PRRC2B: variants seen among roughly 807,000 people sequenced by gnomAD.
PRRC2B encodes protein PRRC2B.
Under a neutral mutation model 242.3 loss-of-function variants are expected in PRRC2B, and 68 were observed. The ratio of observed to expected loss-of-function variants is 0.28; its 90% CI spans 0.23 to 0.34. PRRC2B has a LOEUF of 0.34. Ranked by LOEUF, PRRC2B falls within the 10% of genes least tolerant of loss-of-function variation. PRRC2B has a pLI of 1.00. For synonymous variants in PRRC2B, 1,228 were observed against 1,173.6 expected (o/e 1.05, Z -0.95); for missense variants, 2,835 against 2,954.8 (o/e 0.96, Z 0.94).
upstream of PRRC2B, chr9:131,394,046 A>AGGCGGGG (rs1836966010): frequency 6.8e-6 from 1 of 147,334 alleles, no homozygotes; most frequent in African/African-American, 2.5e-5. Context: ...GGGCGGCGGC[A>AGGCGGGG]GGCGGGGGGC....
chr9:131,428,920 G>T (rs976893050), intron 1 of PRRC2B, among the ~76,000 whole-genome samples: 4 of 152,218 alleles, frequency 2.6e-5, no homozygotes, highest in Admixed American at 1.3e-4. Flanking sequence ...CTCAGTGCCT[G>T]GCACACAGGC....
chr9:131,471,789 C>CT (rs759822438), intron 14 of PRRC2B, among the ~76,000 whole-genome samples: 1 of 152,212 alleles, frequency 6.6e-6, no homozygotes. Context: ...CATGGCAATT[C>CT]TTTTTTAACA....
chr9:131,388,133 A>G (rs750437540), intron 1 of PRRC2B, among the ~76,000 whole-genome samples: 1 of 148,866 alleles, frequency 6.7e-6, no homozygotes, highest in Non-Finnish European at 1.5e-5. Flanking sequence ...GGTTGCAGTG[A>G]GCCGAGATTG....
chr9:131,425,294 G>T (rs1217085293), intron 1 of PRRC2B, among the ~76,000 whole-genome samples: 6 of 151,428 alleles, frequency 4.0e-5, no homozygotes, highest in African/African-American at 1.5e-4. Flanking sequence ...CCTGAGCAAG[G>T]TTTTTTTCCT....
Position 131,420,493 on chromosome 9 carries a change from C to CTTTCTTTTT in PRRC2B, c.-51-9598_-51-9597insCTTTTTTTT. Among the ~76,000 whole-genome samples the CTTTCTTTTT allele has an allele frequency of 1.5e-3, 46 of 30,180 alleles. 2 individuals carry two copies. Among genetic ancestry groups the CTTTCTTTTT allele is most frequent in the East Asian group, 6.5e-3 (4 of 612 alleles). The allele number at this position is 30,180 out of a possible 152,430, so 19.8% of individuals were successfully genotyped here. A position where few individuals can be genotyped will look rare whatever the true frequency, so the allele number is the denominator to read the frequency against. On this transcript the variant is annotated intron_variant, in intron 1 of 31. Coordinates refer to ENST00000683519, the MANE Select transcript of PRRC2B (RefSeq NM_013318.4). ...TCTTTCTTTCTTTCTTTCTTTCTTT[C>CTTTCTTTTT]TTTTTTTTTTTTTTTTTGAGATGGA...
chr9:131,459,391 A>T, intron 11 of PRRC2B, 35 bp downstream of exon 11: 1 of 1,564,776 alleles, frequency 6.4e-7, no homozygotes, highest in East Asian at 2.3e-5. Context: ...GTGTATTTGT[A>T]CTTCATTGAG....
intron 5 of PRRC2B, among the ~76,000 whole-genome samples, chr9:131,442,391 C>T (rs908573391): frequency 6.6e-6 from 1 of 152,024 alleles, no homozygotes; most frequent in African/African-American, 2.4e-5. Context: ...TGATTCTTGC[C>T]AGTGACCTTC....
chr9:131,478,218 G>C (rs1018668242), intron 17 of PRRC2B, among the ~76,000 whole-genome samples: 1 of 9,138 alleles, frequency 1.1e-4, no homozygotes, highest in African/African-American at 5.6e-4. Context: ...ACGTTCGGTG[G>C]TGTGTCCGAG....
chr9:131,452,986 G>T (rs1942967940), intron 9 of PRRC2B, among the ~76,000 whole-genome samples: 1 of 152,172 alleles, frequency 6.6e-6, no homozygotes, highest in East Asian at 1.9e-4. Context: ...TATATTTACT[G>T]ATGTTTTTGT....
At chr9:131,489,866 C>G (rs1418884134) in intron 28 of PRRC2B, among the ~76,000 whole-genome samples, 1 of 152,140 alleles carries the variant, frequency 6.6e-6, no homozygotes, top group Non-Finnish European at 1.5e-5. Flanking sequence ...CCCCTCGAAC[C>G]ACTTTCTTCA....
At chr9:131,401,354 G>A (rs998264207) in intron 1 of PRRC2B, among the ~76,000 whole-genome samples, 2 of 150,760 alleles carry the variant, frequency 1.3e-5, no homozygotes, top group African/African-American at 4.9e-5. Context: ...CCATCCAGTG[G>A]CGGCGGCCAC....
chr9:131,479,384 A>G lies in PRRC2B; in HGVS notation c.4891A>G (p.Ser1631Gly), dbSNP rs376606800. The change falls in exon 19 of 32, where the codon AGC (serine) becomes GGC (glycine). Residue 1631 changes from serine to glycine, a missense_variant. Transcript: ENST00000683519. ...CCTGGGCACTGAGATCTGGGAGAGC[A>G]GCAGCCAGGGTGAGAGTTGGGGGTG... is the stretch of plus-strand genomic sequence containing the variant. ...SSLGTEIWES[S>G]SQALPVQAPA... 4.3e-6 allele frequency: 7 copies of G among 1,613,444 alleles called. No homozygotes were observed. The African/African-American group carries it at 9.3e-5, about 22-fold the overall frequency.
Position 131,404,216 on chromosome 9 carries a change from CT to C in PRRC2B, c.-52+9972del, listed in dbSNP as rs34149279. Among the ~76,000 whole-genome samples, 823 of 127,022 alleles carry C rather than the reference CT, an allele frequency of 6.5e-3. 3 individuals are homozygous for C. Among genetic ancestry groups the C allele is most frequent in the Non-Finnish European group, 8.2e-3 (483 of 59,192 alleles). 83.3% of individuals were successfully genotyped at this position (127,022 alleles called of 152,430 possible). A position where few individuals can be genotyped will look rare whatever the true frequency, so the allele number is the denominator to read the frequency against. On this transcript the variant is annotated intron_variant, in intron 1 of 31. Coordinates refer to ENST00000683519, the MANE Select transcript of PRRC2B (RefSeq NM_013318.4). ...CCATGGTTTAGATATTCCCAGTTGA[CT>C]TTTTTTTTTTTTTTTTTTGGTGGTG...
intron 2 of PRRC2B, among the ~76,000 whole-genome samples, chr9:131,431,699 G>A (rs1370853950): frequency 2.0e-5 from 3 of 151,232 alleles, no homozygotes; most frequent in Admixed American, 6.6e-5. Context: ...CCATTCTTCC[G>A]CCTCAGCCTC....
Position 131,377,507 on chromosome 9 carries a change from TTGTG to T in PRRC2B, c.-56+3793_-56+3796del, listed in dbSNP as rs142704380. On this transcript the variant is annotated intron_variant, in intron 1 of 1. Transcript: ENST00000682525. ...TTTTATTTAATTTTTCCTTTTTCTT[TTGTG>T]TGTGTGTGTGTGTGTGATGGCATTT... Among the ~76,000 whole-genome samples, 224 of 150,476 alleles carry T rather than the reference TTGTG, an allele frequency of 1.5e-3. 2 individuals are homozygous for T. Among genetic ancestry groups the T allele is most frequent in the Middle Eastern group, 3.4e-3 (1 of 290 alleles).
chr9:131,408,262 A>G (rs778817228), intron 1 of PRRC2B, among the ~76,000 whole-genome samples: 3 of 152,146 alleles, frequency 2.0e-5, no homozygotes, highest in African/African-American at 7.2e-5. Flanking sequence ...TTTTCTTTCT[A>G]TGGACACAAA....
intron 1 of PRRC2B, among the ~76,000 whole-genome samples, chr9:131,425,792 A>G (rs991156699): frequency 8.0e-5 from 12 of 150,842 alleles, no homozygotes; most frequent in Middle Eastern, 3.4e-3. Flanking sequence ...CTGGCCCCCG[A>G]GGACTTTTTA....
chr9:131,448,549 A>AAAAAAAAAAAAC (rs1838893835), intron 9 of PRRC2B, among the ~76,000 whole-genome samples: 1 of 85,872 alleles, frequency 1.2e-5, no homozygotes, highest in African/African-American at 4.4e-5. Flanking sequence ...GTCTCAAAAA[A>AAAAAAAAAAAAC]AAAAAAAAAA....
At chr9:131,377,533 A>T (rs1019606135) in intron 1 of PRRC2B, among the ~76,000 whole-genome samples, 1 of 150,970 alleles carries the variant, frequency 6.6e-6, no homozygotes, top group African/African-American at 2.4e-5. Flanking sequence ...GTGTGATGGC[A>T]TTTAAATGTG....
Sources: gnomAD v4.1 joint callset for allele counts (sites outside exome capture counted in the v4.1 genomes callset) on GRCh38, gnomAD v4.1.1 for gene constraint, MANE v1.5 for transcripts, NCBI Gene and HGNC (gene_info 2026-07-23, HGNC 2026-07-21) for gene names.